CACNA1H: variants seen among roughly 807,000 people sequenced by gnomAD.
CACNA1H encodes calcium voltage-gated channel subunit alpha1 H.
CACNA1H carries 149 observed loss-of-function variants against 192.5 expected under a neutral mutation model. The ratio of observed to expected loss-of-function variants is 0.77; its 90% CI spans 0.68 to 0.89. CACNA1H has a LOEUF of 0.89. Ranked by LOEUF, CACNA1H falls within the 40% of genes least tolerant of loss-of-function variation. The pLI is 0.00. For synonymous variants in CACNA1H, 2,202 were observed against 1,475.2 expected, an observed-to-expected ratio of 1.49 and a Z score of -11.29; for missense variants, 4,257 against 3,423.5, an observed-to-expected ratio of 1.24 and a Z score of -6.08.
rs527370000 is a variant in CACNA1H, at chr16:1,203,904, T to C, written c.2003-106T>C. 6.3e-6 allele frequency: 5 copies of C among 789,598 alleles called. No homozygotes were observed. In the Admixed American group the frequency reaches 8.7e-5, roughly 14 times the overall value. 48.9% of individuals were successfully genotyped at this position (789,598 alleles called of 1,614,324 possible). A position where few individuals can be genotyped will look rare whatever the true frequency, so the allele number is the denominator to read the frequency against. On this transcript the variant is annotated intron_variant, in intron 9 of 34. Transcript: ENST00000348261. ...GGAGGTTGGACTCTGGATGGATCTT[T>C]CTGGGGGGGACACATTCACCCCACC...
Position 1,210,888 on chromosome 16 carries a change from C to T in CACNA1H, c.4140C>T (p.Val1380=), listed in dbSNP as rs746638320. ...LLVLVSLVDI[V]VAMASAGGAK... The stretch of plus-strand genomic sequence containing the variant: ...TGCTGGTGTCCCTGGTGGACATTGT[C>T]GTGGCCATGGCCTCGGCTGGTGGCG... The change falls in exon 21 of 35, where the codon GTC becomes GTT. Residue 1380 remains valine (V), a synonymous_variant. Coordinates refer to ENST00000348261, the MANE Select transcript of CACNA1H (RefSeq NM_021098.3). 6.2e-6 allele frequency: 10 copies of T among 1,605,104 alleles called. No individual in the cohort carries two copies. In the African/African-American group the frequency reaches 9.3e-5, roughly 15 times the overall value.
intron 2 of CACNA1H, among the ~76,000 whole-genome samples, chr16:1,187,284 A>G (rs1966167883): frequency 6.6e-6 from 1 of 152,212 alleles, no homozygotes; most frequent in African/African-American, 2.4e-5. Flanking sequence ...GGCACCCTCT[A>G]CCCAGGGCAG....
In CACNA1H at chr16:1,207,448, G is replaced by A. The variant is rs759182769; in HGVS notation, c.3063+18G>A. 1.8e-4 allele frequency: 286 copies of A among 1,610,540 alleles called. 1 individual carries two copies. The highest frequency in any genetic ancestry group is 1.6e-3 in the Middle Eastern group (10 of 6,068). ...AGGCGGAGGTGAGGGGGCAGGGAGA[G>A]GGGCTGCCAGGAGGAGGGCGATGAG... On this transcript the variant is annotated intron_variant, in intron 14 of 34. Coordinates refer to ENST00000348261, the MANE Select transcript of CACNA1H (RefSeq NM_021098.3).
rs1963870681 is a variant in CACNA1H at position 1,167,155 on chromosome 16, T to C, written c.299+13119T>C. Among the ~76,000 whole-genome samples the C allele has an allele frequency of 6.6e-6, 1 of 152,086 alleles. No individual in the cohort carries two copies. Among genetic ancestry groups the C allele is most frequent in the African/African-American group, 2.4e-5 (1 of 41,418 alleles). Reference sequence around the variant, plus strand: ...GGCCCTTCCTTTCCTCGCCGACCCTTTGGGGCGTCTCCCATCGGGAAATGG... The same window carrying C: ...GGCCCTTCCTTTCCTCGCCGACCCTCTGGGGCGTCTCCCATCGGGAAATGG... On this transcript the variant is annotated intron_variant, in intron 2 of 34. Transcript: ENST00000348261. The surrounding 1 kb of genome is among the most constrained non-coding windows in gnomAD (Gnocchi z 4.2).
chr16:1,188,951 C>G (rs1966335264), intron 2 of CACNA1H, among the ~76,000 whole-genome samples: 1 of 152,252 alleles, frequency 6.6e-6, no homozygotes, highest in Non-Finnish European at 1.5e-5. Context: ...GGGCTGGCAT[C>G]TGCGGTGCAC....
In CACNA1H at chr16:1,198,710, G is replaced by A. The variant is rs768157656; in HGVS notation, c.739G>A (p.Val247Ile). 12 of 1,613,250 alleles carry A rather than the reference G, an allele frequency of 7.4e-6. No individual in the cohort carries two copies. Among genetic ancestry groups the A allele is most frequent in the South Asian group, 3.3e-5 (3 of 91,092 alleles). The change falls in exon 6 of 35, where the codon GTT becomes ATT. Residue 247 changes from valine (V) to isoleucine (I), a missense_variant. Val to Ile is a conservative substitution (Grantham distance 29). Transcript: ENST00000348261. The stretch of plus-strand genomic sequence containing the variant: ...CTTCGTCTTCTTCATTTTCGGCATC[G>A]TTGGCGTCCAGCTCTGGGCTGGCCT... ...CFFVFFIFGI[V>I]GVQLWAGLLR...
chr16:1,200,950 G>C (rs553530066), intron 8 of CACNA1H, 142 bp downstream of exon 8: 1 of 684,632 alleles, frequency 1.5e-6, no homozygotes, highest in African/African-American at 1.8e-5. Flanking sequence ...CAGAGCTTGC[G>C]GGGGTGGGGA....
intron 2 of CACNA1H, among the ~76,000 whole-genome samples, chr16:1,164,388 A>C (rs138529345): frequency 3.3e-5 from 5 of 152,220 alleles, no homozygotes; most frequent in Admixed American, 2.6e-4. Context: ...GGCTGAGTGC[A>C]GTGGTGCAGT....
rs573893309 is a variant in CACNA1H, at chr16:1,179,254, G to A, written c.300-15718G>A. On this transcript the variant is annotated intron_variant, in intron 2 of 34. Coordinates refer to ENST00000348261, the MANE Select transcript of CACNA1H (RefSeq NM_021098.3). ...GGTGTGTGGCGGCCCTGTGGGTGGG[G>A]TTTGGCCTCAGGGGCTCCTGGGTAG... is the stretch of plus-strand genomic sequence containing the variant. Among the ~76,000 whole-genome samples, 197 of 152,112 alleles carry A rather than the reference G, an allele frequency of 1.3e-3. 2 individuals are homozygous for A. The highest frequency in any genetic ancestry group is 1.8e-3 in the Admixed American group (28 of 15,304).
Position 1,210,392 on chromosome 16 carries a change from G to A in CACNA1H, c.3868G>A (p.Val1290Ile), listed in dbSNP as rs751505568. ...QNRFRVSCQK[V>I]ITHKMFDHVV... is the part of the protein sequence containing the mutation. ...CAGGTTCCGCGTCTCCTGCCAGAAGGTCATCACACACAAGATGTTTGATCA... is the reference window on the plus strand; with the variant it reads ...CAGGTTCCGCGTCTCCTGCCAGAAGATCATCACACACAAGATGTTTGATCA... Residue 1290 changes from valine (V) to isoleucine (I), a missense_variant, in exon 19 of 35, where the codon GTC becomes ATC. Coordinates refer to ENST00000348261, the MANE Select transcript of CACNA1H (RefSeq NM_021098.3). 1.5e-5 allele frequency: 22 copies of A among 1,516,568 alleles called. No homozygotes were observed. In the East Asian group the frequency reaches 2.0e-4, roughly 14 times the overall value. 93.9% of individuals were successfully genotyped at this position (1,516,568 alleles called of 1,614,324 possible).
chr16:1,174,839 C>G lies in CACNA1H; in HGVS notation c.300-20133C>G, dbSNP rs972399323. Among the ~76,000 whole-genome samples the G allele has an allele frequency of 1.2e-3, 185 of 152,256 alleles. 1 individual carries two copies. The highest frequency in any genetic ancestry group is 4.2e-3 in the African/African-American group (175 of 41,538). On this transcript the variant is annotated intron_variant, in intron 2 of 34. Coordinates refer to ENST00000348261, the MANE Select transcript of CACNA1H (RefSeq NM_021098.3). ...GGCCGAGTTGGCGTGGCCCTGGCCTCGAGGCTCCCCGGGGCCCAGGTCTGC... is the reference window on the plus strand; with the variant it reads ...GGCCGAGTTGGCGTGGCCCTGGCCTGGAGGCTCCCCGGGGCCCAGGTCTGC...
In CACNA1H at chr16:1,196,039, C is replaced by T. The variant is rs200284275; in HGVS notation, c.643+16C>T. 35 of 1,603,228 alleles carry T rather than the reference C, an allele frequency of 2.2e-5. No homozygotes were observed. In the East Asian group the frequency reaches 5.4e-4, roughly 25 times the overall value. On this transcript the variant is annotated intron_variant, in intron 5 of 34. Transcript: ENST00000348261. ...CGCGTGCCTAGTAAGTGACCGGCCC[C>T]GACTGGGCTTGAGATCAACAGGCTT...
chr16:1,155,426 C>T (rs1371992303), intron 2 of CACNA1H, among the ~76,000 whole-genome samples: 1 of 152,176 alleles, frequency 6.6e-6, no homozygotes, highest in African/African-American at 2.4e-5. Flanking sequence ...TGGTCATGCC[C>T]CTTTGTTCTG....
At chr16:1,202,587 A>G (rs915187033) in intron 9 of CACNA1H, 135 bp downstream of exon 9, 3 of 810,602 alleles carry the variant, frequency 3.7e-6, no homozygotes, top group South Asian at 2.0e-5. Flanking sequence ...CAGACCAGCT[A>G]TGCCTCTGGA....
rs1278742466 is a variant in CACNA1H, at chr16:1,209,369, G to A, written c.3701G>A (p.Ser1234Asn). ...AGCGACTTCTTCCTGCGCATCGACA[G>A]CCACCGTGAGGATGCAGCCGAGCTT... ...LPSDFFLRID[S>N]HREDAAELDD... The change falls in exon 17 of 35, where the codon AGC becomes AAC. Residue 1234 changes from serine to asparagine, a missense_variant. Physicochemically the swap from Ser to Asn is conservative, Grantham distance 46. Transcript: ENST00000348261. 1.3e-6 allele frequency: 2 copies of A among 1,597,876 alleles called. No homozygotes were observed. Among genetic ancestry groups the A allele is most frequent in the East Asian group, 2.2e-5 (1 of 44,880 alleles).
chr16:1,201,940 G>A lies in CACNA1H; in HGVS notation c.1490G>A (p.Gly497Asp), dbSNP rs750194090. ...AAGGTGGACCCCAGTGCTGTGCAAG[G>A]CCAGGGTCCCGGGCACCGCCAGCGC... The part of the protein sequence containing the change: ...RKKVDPSAVQ[G>D]QGPGHRQRRA... The change falls in exon 9 of 35, where the codon GGC becomes GAC. Residue 497 changes from glycine (G) to aspartate (D), a missense_variant. Physicochemically the swap from Gly to Asp is moderately conservative, Grantham distance 94. Coordinates refer to ENST00000348261, the MANE Select transcript of CACNA1H (RefSeq NM_021098.3). 48 of 1,548,468 alleles carry A rather than the reference G, an allele frequency of 3.1e-5. 1 individual carries two copies. The South Asian group carries it at 5.7e-4, about 18-fold the overall frequency.
At chr16:1,165,952 G>A (rs914035554) in intron 2 of CACNA1H, among the ~76,000 whole-genome samples, 24 of 152,168 alleles carry the variant, frequency 1.6e-4, no homozygotes, top group African/African-American at 5.5e-4. Flanking sequence ...TGGGCACACC[G>A]GCCCGTGCAT....
At chr16:1,210,683 C>T in intron 20 of CACNA1H, 32 bp downstream of exon 20, 1 of 1,594,160 alleles carries the variant, frequency 6.3e-7, no homozygotes, top group Non-Finnish European at 8.5e-7. Flanking sequence ...GCCCTTGTTC[C>T]CAGGTCCCCG....
At chr16:1,198,513 C>T (rs908630282) in intron 5 of CACNA1H, 102 bp from the exon 6 acceptor site, 17 of 1,319,904 alleles carry the variant, frequency 1.3e-5, no homozygotes, top group Non-Finnish European at 1.8e-5. Flanking sequence ...TGGACACCCA[C>T]TGTGAACAGT....
Sources: gnomAD v4.1 joint callset for allele counts (sites outside exome capture counted in the v4.1 genomes callset) on GRCh38, gnomAD v4.1.1 for gene constraint, Gnocchi (gnomAD v3.1) non-coding constraint, MANE v1.5 for transcripts, NCBI Gene and HGNC (gene_info 2026-07-23, HGNC 2026-07-21) for gene names.